MEGF10: variants seen among roughly 807,000 people sequenced by gnomAD.
MEGF10 encodes multiple epidermal growth factor-like domains protein 10.
A neutral mutation model predicts 147.5 loss-of-function variants in MEGF10; 86 were observed. The observed-to-expected ratio is 0.58, with a 90% CI of 0.49 to 0.70. MEGF10 has a LOEUF of 0.70. MEGF10 is among the 30% of genes least tolerant of loss of function. The pLI, the probability that MEGF10 is intolerant of heterozygous loss-of-function variation, is 0.00. For synonymous variants in MEGF10, 478 were observed against 525.5 expected (o/e 0.91, Z 1.24); for missense variants, 1,329 against 1,487.3 (o/e 0.89, Z 1.75).
At position 127,435,500 on chromosome 5, in the gene MEGF10, T is replaced by C; in HGVS notation, c.2104+11T>C. 6.2e-7 allele frequency: 1 copy of C among 1,610,106 alleles called. No homozygotes were observed. On this transcript the variant is annotated intron_variant, in intron 16 of 24. Transcript: ENST00000503335. ...GTGACTGCTCTCAACGTAAGTCTTG[T>C]TTGAGAACAATTAATAAACTGTTCT... is the stretch of plus-strand genomic sequence containing the variant.
chr5:127,326,625 A>C (rs1298085472), intron 1 of MEGF10, among the ~76,000 whole-genome samples: 1 of 152,194 alleles, frequency 6.6e-6, no homozygotes, highest in Admixed American at 6.5e-5. Context: ...AACTTAGCAC[A>C]CTGCCTCTGC....
At chr5:127,405,372 T>C (rs1204086139) in intron 8 of MEGF10, among the ~76,000 whole-genome samples, 1 of 152,192 alleles carries the variant, frequency 6.6e-6, no homozygotes, top group Non-Finnish European at 1.5e-5. Context: ...AATTTATTTC[T>C]GAGTATTTTG....
rs961235557 is a variant in MEGF10, at chr5:127,391,076, A to G, written c.413-5456A>G. 2.1e-5 allele frequency among the ~76,000 whole-genome samples: 3 copies of G among 139,922 alleles called. No individual in the cohort carries two copies. The East Asian group carries it at 6.0e-4, about 28-fold the overall frequency. The allele number at this position is 139,922 out of a possible 152,430, so 91.8% of individuals were successfully genotyped here. On this transcript the variant is annotated intron_variant, in intron 5 of 24. Coordinates refer to ENST00000503335, the MANE Select transcript of MEGF10 (RefSeq NM_001256545.2). ...ATTGTCTTTATGTGTATATATACAT[A>G]CATACACACATGCGCGCGCGCGCGC...
the MEGF10 span, among the ~76,000 whole-genome samples, chr5:127,259,552 T>G: frequency 6.6e-6 from 1 of 152,192 alleles, no homozygotes; most frequent in African/African-American, 2.4e-5. Context: ...TCCAATATAA[T>G]GTCCACATTC....
intron 13 of MEGF10, among the ~76,000 whole-genome samples, chr5:127,429,722 C>A (rs1318499332): frequency 6.6e-6 from 1 of 152,118 alleles, no homozygotes; most frequent in Non-Finnish European, 1.5e-5. Flanking sequence ...TCACTTTGAT[C>A]ATTTTTTTTA....
the MEGF10 span, among the ~76,000 whole-genome samples, chr5:127,283,194 CCT>C: frequency 6.6e-6 from 1 of 152,172 alleles, no homozygotes; most frequent in Admixed American, 6.5e-5. Flanking sequence ...TTTTATTCCC[CCT>C]GATACTTACA....
In MEGF10 at chr5:127,435,475, G is replaced by A. The variant is rs1171111824; in HGVS notation, c.2090G>A (p.Ser697Asn). The change falls in exon 16 of 25, where the codon AGT (serine) becomes AAT (asparagine). Residue 697 changes from serine (S) to asparagine (N), a missense_variant. Ser to Asn is a conservative substitution (Grantham distance 46). Around this residue, in one of 3 missense-constraint regions of MEGF10, gnomAD observed 980 missense variants for 1,085.9 expected, o/e 0.90. Coordinates refer to ENST00000503335, the MANE Select transcript of MEGF10 (RefSeq NM_001256545.2). ...SCQCYPGWIG[S>N]DCSQPCPPAH... Reference sequence around the variant, plus strand: ...CAGTGTTACCCCGGTTGGATTGGCAGTGACTGCTCTCAACGTAAGTCTTGT... The same window carrying A: ...CAGTGTTACCCCGGTTGGATTGGCAATGACTGCTCTCAACGTAAGTCTTGT... 1.2e-6 allele frequency: 2 copies of A among 1,613,768 alleles called. No homozygotes were observed. The highest frequency in any genetic ancestry group is 2.2e-5 in the South Asian group (2 of 90,976).
chr5:127,289,833 C>G (rs140823799), upstream of MEGF10, among the ~76,000 whole-genome samples: 359 of 152,178 alleles, frequency 2.4e-3, 1 homozygote, highest in Middle Eastern at 6.8e-3. Context: ...GAGATGGTTA[C>G]CTGGAGTGGT....
the MEGF10 span, among the ~76,000 whole-genome samples, chr5:127,259,029 A>T: frequency 1.3e-5 from 2 of 152,164 alleles, no homozygotes; most frequent in African/African-American, 4.8e-5. Context: ...AAGACTTCTG[A>T]TCTTAGCTGT....
intron 2 of MEGF10, among the ~76,000 whole-genome samples, chr5:127,337,750 C>A (rs1036107562): frequency 1.6e-4 from 24 of 151,950 alleles, no homozygotes; most frequent in African/African-American, 5.8e-4. Flanking sequence ...TCTTCAACAC[C>A]ATCTCTGACT....
At chr5:127,252,343 T>C in the MEGF10 span, among the ~76,000 whole-genome samples, 1 of 151,890 alleles carries the variant, frequency 6.6e-6, no homozygotes, top group African/African-American at 2.4e-5. Flanking sequence ...GGTTTGTTCA[T>C]GATAGTGAAA....
chr5:127,354,061 A>C (rs1762188831), intron 4 of MEGF10, among the ~76,000 whole-genome samples: 1 of 152,234 alleles, frequency 6.6e-6, no homozygotes, highest in East Asian at 1.9e-4. Flanking sequence ...AGAGCAGTGA[A>C]TGAATATTCA....
At chr5:127,320,548 A>C (rs1039219175) in intron 1 of MEGF10, among the ~76,000 whole-genome samples, 4 of 152,182 alleles carry the variant, frequency 2.6e-5, no homozygotes, top group African/African-American at 9.7e-5. Flanking sequence ...AGTCATAAAG[A>C]TGGGATTTGG....
intron 23 of MEGF10, 88 bp from the exon 24 acceptor site, chr5:127,455,313 A>T: frequency 1.9e-6 from 2 of 1,077,854 alleles, no homozygotes; most frequent in Non-Finnish European, 2.8e-6. Context: ...ATGGAAACCT[A>T]GCTATAAAGA....
At chr5:127,297,751 G>T (rs996304261) in intron 1 of MEGF10, among the ~76,000 whole-genome samples, 4 of 152,170 alleles carry the variant, frequency 2.6e-5, no homozygotes, top group African/African-American at 9.7e-5. Flanking sequence ...TGCGTTAAAG[G>T]AACCCTTCAC....
the MEGF10 span, among the ~76,000 whole-genome samples, chr5:127,277,513 A>T: frequency 6.6e-6 from 1 of 152,196 alleles, no homozygotes. Flanking sequence ...GGAGAACAAG[A>T]CTTGAAACAG....
the MEGF10 span, among the ~76,000 whole-genome samples, chr5:127,246,139 T>C: frequency 5.9e-5 from 9 of 152,324 alleles, no homozygotes; most frequent in South Asian, 1.9e-3. Context: ...CATTCTGCTA[T>C]AAAGATATAT....
chr5:127,269,613 T>C, the MEGF10 span, among the ~76,000 whole-genome samples: 5 of 152,352 alleles, frequency 3.3e-5, no homozygotes, highest in East Asian at 9.6e-4. Flanking sequence ...CTATGTCTGA[T>C]TGATGTACCT....
At chr5:127,387,903 T>G (rs1763493784) in intron 5 of MEGF10, among the ~76,000 whole-genome samples, 1 of 152,174 alleles carries the variant, frequency 6.6e-6, no homozygotes, top group Non-Finnish European at 1.5e-5. Flanking sequence ...GCTGAGGGTT[T>G]GAGGCAGGTT....
Sources: allele counts gnomAD v4.1 joint callset (sites outside exome capture counted in the v4.1 genomes callset), GRCh38; gene constraint gnomAD v4.1.1; regional missense constraint gnomAD v4.1.1; transcripts MANE v1.5; gene names NCBI Gene and HGNC (gene_info 2026-07-23, HGNC 2026-07-21).